Variants in ELOA2 observed in about 807,000 individuals in gnomAD.
ELOA2 encodes the protein elongin-A2.
For missense variants in ELOA2, 1,271 were observed against 979.7 expected (o/e 1.30, Z -3.97); for synonymous variants, 497 against 398.8 (o/e 1.25, Z -2.94).
Position 47,035,600 on chromosome 18 carries a change from C to T in ELOA2, c.-336G>A, listed in dbSNP as rs2060737049. Reference sequence around the variant, plus strand: ...GTAGCCCATCCCAGGCTGACACTCACGGCTCTAGCCCTGACCCTCTTAGCT... The same window carrying T: ...GTAGCCCATCCCAGGCTGACACTCATGGCTCTAGCCCTGACCCTCTTAGCT... On this transcript the variant is annotated 5_prime_UTR_variant, in exon 1 of 1. The change creates a new upstream start codon in the 5' untranslated region. Transcript: ENST00000332567. 2 of 516,838 alleles carry T rather than the reference C, an allele frequency of 3.9e-6. No homozygotes were observed. Among genetic ancestry groups the T allele is most frequent in the East Asian group, 3.7e-5 (1 of 26,716 alleles). 32.0% of individuals were successfully genotyped at this position (516,838 alleles called of 1,614,324 possible). A position where few individuals can be genotyped will look rare whatever the true frequency, so the allele number is the denominator to read the frequency against.
In ELOA2 at chr18:47,033,475, T is replaced by G; in HGVS notation, c.1790A>C (p.Lys597Thr). 1 of 1,614,182 alleles carries G rather than the reference T, an allele frequency of 6.2e-7. No homozygotes were observed. The highest frequency in any genetic ancestry group is 8.5e-7 in the Non-Finnish European group (1 of 1,180,030). The change falls in exon 1 of 1, where the codon AAG becomes ACG. Residue 597 changes from lysine to threonine, a missense_variant. Transcript: ENST00000332567. Reference protein sequence around the residue: ...NHCFQDFKEEKPQENKTWREQ... With the variant: ...NHCFQDFKEETPQENKTWREQ... ...CCTCCAAGTTTTGTTTTCCTGTGGC[T>G]TTTCTTCCTTGAAGTCCTGGAAACA...
chr18:47,034,542 T>G lies in ELOA2; in HGVS notation c.723A>C (p.Gly241=). The change falls in exon 1 of 1, where the codon GGA becomes GGC. Residue 241 remains glycine (G), a synonymous_variant. Transcript: ENST00000332567. The part of the protein sequence containing the change: ...RQEKRPLCAQ[G]DWHSPTLIRE... ...TGATCAAAGTAGGGGAGTGCCAATC[T>G]CCCTGGGCACACAAGGGGCGTTTTT... The G allele has an allele frequency of 6.2e-7, 1 of 1,614,200 alleles. No individual in the cohort carries two copies. The highest frequency in any genetic ancestry group is 2.2e-5 in the East Asian group (1 of 44,872).
Position 47,033,724 on chromosome 18 carries a change from A to T in ELOA2, c.1541T>A (p.Val514Glu), listed in dbSNP as rs1263997462. The change falls in exon 1 of 1, where the codon GTG becomes GAG. Residue 514 changes from valine (V) to glutamate (E), a missense_variant. Coordinates refer to ENST00000332567, the MANE Select transcript of ELOA2 (RefSeq NM_016427.3). ...GCAGGCAGGCCTGGAGCCCGAGTACACCGGCATCTTAGCATTCACTCTGCG... is the reference window on the plus strand; with the variant it reads ...GCAGGCAGGCCTGGAGCCCGAGTACTCCGGCATCTTAGCATTCACTCTGCG... ...PGRRVNAKMP[V>E]YSGSRPACQL... is the part of the protein sequence containing the mutation. 1 of 1,614,164 alleles carries T rather than the reference A, an allele frequency of 6.2e-7. No homozygotes were observed. Among genetic ancestry groups the T allele is most frequent in the Non-Finnish European group, 8.5e-7 (1 of 1,180,040 alleles).
Position 47,033,208 on chromosome 18 carries a change from G to A in ELOA2, c.2057C>T (p.Ser686Phe). ...GCCACCGCCGCTGCTGCTCTGGCTG[G>A]AGGGAGTGTGGCTGCTTCCCGCGGG... ...SKPAGSSHTP[S>F]SQSSSGGGRD... Residue 686 changes from serine to phenylalanine, a missense_variant, in exon 1 of 1, where the codon TCC becomes TTC. Physicochemically the swap from Ser to Phe is radical, Grantham distance 155 (BLOSUM62 -2). Transcript: ENST00000332567. 2 of 1,614,076 alleles carry A rather than the reference G, an allele frequency of 1.2e-6. No individual in the cohort carries two copies. The highest frequency in any genetic ancestry group is 1.1e-5 in the South Asian group (1 of 91,080).
At position 47,034,067 on chromosome 18, in the gene ELOA2, C is replaced by T. The variant is rs769576796; in HGVS notation, c.1198G>A (p.Gly400Arg). 4 of 1,614,078 alleles carry T rather than the reference C, an allele frequency of 2.5e-6. No individual in the cohort carries two copies. The African/African-American group carries it at 5.3e-5, about 22-fold the overall frequency. The change falls in exon 1 of 1, where the codon GGA (glycine) becomes AGA (arginine). Residue 400 changes from glycine to arginine, a missense_variant. Transcript: ENST00000332567. ...CCAAGTGCAGTGGTGGCAGATTTTC[C>T]AGTCTTTTTCTTTTGCTTCCGCAAC... ...DQLRKQKKKT[G>R]KSATTALGDK...
At position 47,032,939 on chromosome 18, in the gene ELOA2, A is replaced by T; in HGVS notation, c.*64T>A. 6.2e-7 allele frequency: 1 copy of T among 1,611,650 alleles called. No homozygotes were observed. The highest frequency in any genetic ancestry group is 8.5e-7 in the Non-Finnish European group (1 of 1,179,128). On this transcript the variant is annotated 3_prime_UTR_variant, in exon 1 of 1. Transcript: ENST00000332567. Reference sequence around the variant, plus strand: ...TGTCCATTGGAAGTTTCGTTCCCCAACCCGCATTGACTTTGCCAATGCAAA... The same window carrying T: ...TGTCCATTGGAAGTTTCGTTCCCCATCCCGCATTGACTTTGCCAATGCAAA...
In ELOA2 at chr18:47,033,308, C is replaced by T. The variant is rs774982360; in HGVS notation, c.1957G>A (p.Asp653Asn). The change falls in exon 1 of 1, where the codon GAT becomes AAT. Residue 653 changes from aspartate to asparagine, a missense_variant. Transcript: ENST00000332567. ...GACTTCTCTTGCCTCCTTGAAGTAT[C>T]ATAAGGCGTCTTGGCCACAGATTTG... ...CFKSVAKTPYDTSRRQEKSAG... is the reference protein window; with the variant it reads ...CFKSVAKTPYNTSRRQEKSAG... 5 of 1,613,628 alleles carry T rather than the reference C, an allele frequency of 3.1e-6. No homozygotes were observed.
chr18:47,034,894 T>C lies in ELOA2; in HGVS notation c.371A>G (p.His124Arg). The C allele has an allele frequency of 5.6e-6, 9 of 1,612,004 alleles. No individual in the cohort carries two copies. The highest frequency in any genetic ancestry group is 7.6e-6 in the Non-Finnish European group (9 of 1,179,890). Residue 124 changes from histidine to arginine, a missense_variant, in exon 1 of 1, where the codon CAC becomes CGC. Physicochemically the swap from His to Arg is conservative, Grantham distance 29. Coordinates refer to ENST00000332567, the MANE Select transcript of ELOA2 (RefSeq NM_016427.3). ...ENATAPRSPS[H>R]SPEHRRTARR... Reference sequence around the variant, plus strand: ...TGCTGTCCGTCTGTGCTCAGGGCTGTGAGATGGGCTCCTGGGGGCCGTCGC... The same window carrying C: ...TGCTGTCCGTCTGTGCTCAGGGCTGCGAGATGGGCTCCTGGGGGCCGTCGC...
Position 47,033,932 on chromosome 18 carries a change from C to G in ELOA2, c.1333G>C (p.Gly445Arg), listed in dbSNP as rs766103603. ...ESQSERLQAAGADSAGPKTVP... is the reference protein window; with the variant it reads ...ESQSERLQAARADSAGPKTVP... ...GTTTTCGGCCCGGCGGAATCAGCGC[C>G]GGCCGCCTGCAGCCTCTCTGACTGG... Residue 445 changes from glycine to arginine, a missense_variant, in exon 1 of 1, where the codon GGC becomes CGC. Transcript: ENST00000332567. 1 of 1,612,820 alleles carries G rather than the reference C, an allele frequency of 6.2e-7. No homozygotes were observed. Among genetic ancestry groups the G allele is most frequent in the Non-Finnish European group, 8.5e-7 (1 of 1,180,020 alleles).
Position 47,033,160 on chromosome 18 carries a change from A to T in ELOA2, c.2105T>A (p.Leu702His). The T allele has an allele frequency of 1.2e-6, 2 of 1,614,050 alleles. No individual in the cohort carries two copies. The highest frequency in any genetic ancestry group is 2.2e-5 in the South Asian group (2 of 91,072). Residue 702 changes from leucine to histidine, a missense_variant, in exon 1 of 1, where the codon CTT (leucine) becomes CAT (histidine). Physicochemically the swap from Leu to His is moderately conservative, Grantham distance 99. Transcript: ENST00000332567. ...GGCCCGCTTCTCAGGGAGCCAGCGAAGGATGCTGCTGCTGCTGTCTCTGCC... is the reference window on the plus strand; with the variant it reads ...GGCCCGCTTCTCAGGGAGCCAGCGATGGATGCTGCTGCTGCTGTCTCTGCC... ...GGGRDSSSSI[L>H]RWLPEKRANP...
chr18:47,034,099 TAGG>T lies in ELOA2; in HGVS notation c.1163_1165del (p.Thr388_Tyr389delinsAsn). On this transcript the variant is annotated inframe_deletion, in exon 1 of 1. Coordinates refer to ENST00000332567, the MANE Select transcript of ELOA2 (RefSeq NM_016427.3). The stretch of plus-strand genomic sequence containing the variant: ...TTTCTTTTGCTTCCGCAACTGATCG[TAGG>T]TGAGGTATTTTTCACATGACAGAGT... 1.2e-6 allele frequency: 2 copies of T among 1,614,228 alleles called. No homozygotes were observed. Among genetic ancestry groups the T allele is most frequent in the Non-Finnish European group, 1.7e-6 (2 of 1,180,038 alleles).
In ELOA2 at chr18:47,034,951, T is replaced by C. The variant is rs2060694030; in HGVS notation, c.314A>G (p.Asp105Gly). Reference protein sequence around the residue: ...SRQRFGEALQDQEKAWGFPEN... With the variant: ...SRQRFGEALQGQEKAWGFPEN... ...TGGGAAGCCCCAGGCCTTTTCCTGG[T>C]CCTGAAGAGCCTCCCCGAAGCGCTG... The change falls in exon 1 of 1, where the codon GAC (aspartate) becomes GGC (glycine). Residue 105 changes from aspartate (D) to glycine (G), a missense_variant. Physicochemically the swap from Asp to Gly is moderately conservative, Grantham distance 94 (BLOSUM62 -1). Coordinates refer to ENST00000332567, the MANE Select transcript of ELOA2 (RefSeq NM_016427.3). 6.2e-7 allele frequency: 1 copy of C among 1,611,804 alleles called. No homozygotes were observed. The highest frequency in any genetic ancestry group is 1.3e-5 in the African/African-American group (1 of 74,950).
rs1241519695 is a variant in ELOA2 at position 47,033,294 on chromosome 18, C to A, written c.1971G>T (p.Arg657Ser). Reference sequence around the variant, plus strand: ...CAGCGTCTCCTGCAGACTTCTCTTGCCTCCTTGAAGTATCATAAGGCGTCT... The same window carrying A: ...CAGCGTCTCCTGCAGACTTCTCTTGACTCCTTGAAGTATCATAAGGCGTCT... ...VAKTPYDTSRRQEKSAGDADP... is the reference protein window; with the variant it reads ...VAKTPYDTSRSQEKSAGDADP... Residue 657 changes from arginine (R) to serine (S), a missense_variant, in exon 1 of 1, where the codon AGG becomes AGT. Coordinates refer to ENST00000332567, the MANE Select transcript of ELOA2 (RefSeq NM_016427.3). 6.2e-7 allele frequency: 1 copy of A among 1,613,424 alleles called. No individual in the cohort carries two copies. Among genetic ancestry groups the A allele is most frequent in the Non-Finnish European group, 8.5e-7 (1 of 1,180,038 alleles).
chr18:47,033,516 T>C lies in ELOA2; in HGVS notation c.1749A>G (p.Glu583=). The C allele has an allele frequency of 6.2e-7, 1 of 1,614,202 alleles. No homozygotes were observed. The highest frequency in any genetic ancestry group is 1.1e-5 in the South Asian group (1 of 91,080). The part of the protein sequence containing the change: ...DNHALVRETD[E]LRRNHCFQDF... ...CCTGGAAACAATGATTCCTCCGTAA[T>C]TCGTCTGTCTCTCTAACGAGTGCGT... The change falls in exon 1 of 1, where the codon GAA becomes GAG. Residue 583 remains glutamate, a synonymous_variant. Transcript: ENST00000332567.
rs747459171 is a variant in ELOA2, at chr18:47,033,502, T to G, written c.1763A>C (p.His588Pro). ...VRETDELRRN[H>P]CFQDFKEEKP... is the part of the protein sequence containing the mutation. Reference sequence around the variant, plus strand: ...TTCTTCCTTGAAGTCCTGGAAACAATGATTCCTCCGTAATTCGTCTGTCTC... The same window carrying G: ...TTCTTCCTTGAAGTCCTGGAAACAAGGATTCCTCCGTAATTCGTCTGTCTC... The change falls in exon 1 of 1, where the codon CAT (histidine) becomes CCT (proline). Residue 588 changes from histidine (H) to proline (P), a missense_variant. His to Pro is a moderately conservative substitution (Grantham distance 77). Transcript: ENST00000332567. The G allele has an allele frequency of 1.5e-5, 24 of 1,614,036 alleles. No individual in the cohort carries two copies. Among genetic ancestry groups the G allele is most frequent in the Non-Finnish European group, 1.9e-5 (22 of 1,180,018 alleles).
rs1488262319 is a variant in ELOA2, at chr18:47,034,695, CCCGGGCGCA to C, written c.561_569del (p.Ala188_Gly190del). On this transcript the variant is annotated inframe_deletion, in exon 1 of 1. Transcript: ENST00000332567. Reference sequence around the variant, plus strand: ...GAGTGTGGCCTCTTCCGGGTTGCTTCCCGGGCGCAGCGGGCTCAGGGCCCTCGGGCATCC... The same window carrying C: ...GAGTGTGGCCTCTTCCGGGTTGCTTCGCGGGCTCAGGGCCCTCGGGCATCC... 4.3e-6 allele frequency: 7 copies of C among 1,612,966 alleles called. No individual in the cohort carries two copies. Among genetic ancestry groups the C allele is most frequent in the Non-Finnish European group, 5.9e-6 (7 of 1,179,894 alleles).
chr18:47,033,717 C>T lies in ELOA2; in HGVS notation c.1548G>A (p.Ser516=), dbSNP rs758167061. Residue 516 remains serine (S), a synonymous_variant, in exon 1 of 1, where the codon TCG becomes TCA. Transcript: ENST00000332567. ...GGAGCTGGCAGGCAGGCCTGGAGCC[C>T]GAGTACACCGGCATCTTAGCATTCA... ...RRVNAKMPVY[S]GSRPACQLQV... 6 of 1,614,192 alleles carry T rather than the reference C, an allele frequency of 3.7e-6. No homozygotes were observed. The highest frequency in any genetic ancestry group is 1.1e-5 in the South Asian group (1 of 91,090).
rs1236198608 is a variant in ELOA2, at chr18:47,033,715, C to A, written c.1550G>T (p.Gly517Val). Residue 517 changes from glycine to valine, a missense_variant, in exon 1 of 1, where the codon GGC becomes GTC. By Grantham distance (109) the Gly-to-Val change is moderately radical. Transcript: ENST00000332567. The stretch of plus-strand genomic sequence containing the variant: ...CTGGAGCTGGCAGGCAGGCCTGGAG[C>A]CCGAGTACACCGGCATCTTAGCATT... The part of the protein sequence containing the change: ...RVNAKMPVYS[G>V]SRPACQLQVP... The A allele has an allele frequency of 3.1e-6, 5 of 1,614,072 alleles. No individual in the cohort carries two copies. Among genetic ancestry groups the A allele is most frequent in the Middle Eastern group, 1.6e-4 (1 of 6,084 alleles).
chr18:47,035,376 G>T lies in ELOA2; in HGVS notation c.-112C>A. On this transcript the variant is annotated 5_prime_UTR_variant, in exon 1 of 1. Coordinates refer to ENST00000332567, the MANE Select transcript of ELOA2 (RefSeq NM_016427.3). ...CCTCGCTGCCCGGTCGCCAGGCAGC[G>T]ACCTCGGGATGTGGAGTCACAGCCT... 1 of 1,554,644 alleles carries T rather than the reference G, an allele frequency of 6.4e-7. No individual in the cohort carries two copies. Among genetic ancestry groups the T allele is most frequent in the South Asian group, 1.2e-5 (1 of 83,126 alleles).
Sources: gnomAD v4.1 joint callset for allele counts on GRCh38, gnomAD v4.1.1 for gene constraint, MANE v1.5 for transcripts, NCBI Gene and HGNC (gene_info 2026-07-23, HGNC 2026-07-21) for gene names.